PON3: variants seen among roughly 807,000 people sequenced by gnomAD.
PON3 encodes serum paraoxonase/lactonase 3.
PON3 carries 37 observed loss-of-function variants against 36.3 expected under a neutral mutation model. The observed-to-expected ratio is 1.02, with a 90% CI of 0.78 to 1.34. The LOEUF (loss-of-function observed/expected upper bound fraction) is 1.34, where lower values mean the gene tolerates loss of function less well. Ranked by LOEUF, PON3 falls within the 40% of genes most tolerant of loss-of-function variation. The pLI, the probability that PON3 is intolerant of heterozygous loss-of-function variation, is 0.00. For synonymous variants in PON3, 155 were observed against 154.8 expected (o/e 1.00, Z -0.01); for missense variants, 415 against 426.5 (o/e 0.97, Z 0.24).
chr7:95,362,407 A>C lies in PON3; in HGVS notation c.861T>G (p.Pro287=). The C allele has an allele frequency of 1.2e-6, 2 of 1,613,770 alleles. No individual in the cohort carries two copies. Among genetic ancestry groups the C allele is most frequent in the Non-Finnish European group, 1.7e-6 (2 of 1,179,758 alleles). The change falls in exon 8 of 9, where the codon CCT becomes CCG. Residue 287 remains proline (P), a synonymous_variant. Transcript: ENST00000265627. The part of the protein sequence containing the change: ...GDILAGCHPN[P]MKLLNYNPED... Reference sequence around the variant, plus strand: ...CAGGGTTATAGTTCAGTAGCTTCATAGGATTAGGATGGCATCCTGCCAAAA... The same window carrying C: ...CAGGGTTATAGTTCAGTAGCTTCATCGGATTAGGATGGCATCCTGCCAAAA...
rs377433561 is a variant in PON3 at position 95,363,732 on chromosome 7, C to T, written c.695+131G>A. 8.5e-4 allele frequency: 778 copies of T among 910,900 alleles called. 4 individuals carry two copies. In the South Asian group the frequency reaches 9.2e-3, roughly 11 times the overall value. 56.4% of individuals were successfully genotyped at this position (910,900 alleles called of 1,614,324 possible). On this transcript the variant is annotated intron_variant, in intron 6 of 8. Coordinates refer to ENST00000265627, the MANE Select transcript of PON3 (RefSeq NM_000940.3). ...TAGGATGACAGATTTAGTGTGAACC[C>T]TGGCCACAACTGATCCCTCCACACA...
chr7:95,362,636 G>T, intron 7 of PON3, 124 bp downstream of exon 7: 1 of 1,382,710 alleles, frequency 7.2e-7, no homozygotes, highest in Non-Finnish European at 1.0e-6. Flanking sequence ...AGAAACGCAT[G>T]CATAATCTCA....
chr7:95,393,921 G>A (rs1809374145), intron 2 of PON3, among the ~76,000 whole-genome samples: 1 of 152,102 alleles, frequency 6.6e-6, no homozygotes, highest in Non-Finnish European at 1.5e-5. Context: ...TTAAGACAAA[G>A]TCTCGCTCTG....
At chr7:95,377,547 T>A (rs1459710959) in intron 3 of PON3, 6 of 427,444 alleles carry the variant, frequency 1.4e-5, no homozygotes, top group African/African-American at 4.2e-5. Context: ...TACAGGCGGA[T>A]GCCCCTCTGG....
intron 1 of PON3, among the ~76,000 whole-genome samples, chr7:95,394,920 C>G (rs1312386944): frequency 6.6e-6 from 1 of 152,136 alleles, no homozygotes; most frequent in Non-Finnish European, 1.5e-5. Context: ...GCTAACCTTA[C>G]CCAGTTATTG....
Position 95,364,074 on chromosome 7 carries a change from A to C in PON3, c.495-11T>G, listed in dbSNP as rs1808638846. 1.9e-6 allele frequency: 3 copies of C among 1,609,858 alleles called. No individual in the cohort carries two copies. Among genetic ancestry groups the C allele is most frequent in the African/African-American group, 2.7e-5 (2 of 74,834 alleles). ...ACAATGTCATTCACACTAAAGTGAA[A>C]GGGAGGTGGAAAAAGAGACCCATGA... On this transcript the variant is annotated splice_polypyrimidine_tract_variant and intron_variant, in intron 5 of 8. Coordinates refer to ENST00000265627, the MANE Select transcript of PON3 (RefSeq NM_000940.3).
intron 3 of PON3, among the ~76,000 whole-genome samples, chr7:95,382,227 C>A (rs992308135): frequency 2.6e-5 from 4 of 152,306 alleles, no homozygotes; most frequent in South Asian, 2.1e-4. Flanking sequence ...ATTTATAGCA[C>A]TAAATGCCCA....
At chr7:95,364,866 C>T (rs1200225638) in intron 5 of PON3, 3 of 151,154 alleles carry the variant, frequency 2.0e-5, no homozygotes, top group South Asian at 4.2e-4. Flanking sequence ...CTTATTCTTA[C>T]AATCCGTAAG....
At chr7:95,395,971 G>T (rs1339240744) in intron 1 of PON3, 1 of 414,278 alleles carries the variant, frequency 2.4e-6, no homozygotes, top group Non-Finnish European at 4.5e-6. Flanking sequence ...TGTTGAGGGC[G>T]AGCTGGGAAA....
chr7:95,375,252 A>G (rs890784105), intron 3 of PON3, among the ~76,000 whole-genome samples: 4 of 151,230 alleles, frequency 2.6e-5, no homozygotes, highest in African/African-American at 7.3e-5. Flanking sequence ...ATGTATATGT[A>G]TACATATATA....
chr7:95,364,215 A>G (rs1808642126), intron 5 of PON3, 152 bp from the exon 6 acceptor site: 1 of 685,824 alleles, frequency 1.5e-6, no homozygotes. Flanking sequence ...TCCACAGAAA[A>G]TCATGATTCT....
intron 3 of PON3, among the ~76,000 whole-genome samples, chr7:95,388,777 AT>A (rs1809256516): frequency 6.6e-6 from 1 of 152,246 alleles, no homozygotes. Context: ...GGATGAGTTC[AT>A]GTCCTTTGCA....
intron 2 of PON3, 58 bp downstream of exon 2, chr7:95,394,586 C>A: frequency 1.4e-6 from 2 of 1,473,016 alleles, no homozygotes; most frequent in South Asian, 2.3e-5. Flanking sequence ...AGGGCTCAGT[C>A]AGGTGGATGA....
intron 3 of PON3, among the ~76,000 whole-genome samples, chr7:95,372,754 C>G (rs1455655298): frequency 6.6e-6 from 1 of 152,130 alleles, no homozygotes; most frequent in Admixed American, 6.5e-5. Context: ...TTCCTCAAAG[C>G]AGAGAGAAGG....
intron 3 of PON3, among the ~76,000 whole-genome samples, chr7:95,380,476 A>G (rs1465278067): frequency 1.3e-5 from 2 of 152,212 alleles, no homozygotes; most frequent in African/African-American, 4.8e-5. Context: ...TGAATGGCTA[A>G]CTAGAGTAAC....
At chr7:95,362,212 CCCTA>C in intron 8 of PON3, 146 bp downstream of exon 8, 2 of 943,700 alleles carry the variant, frequency 2.1e-6, no homozygotes, top group Non-Finnish European at 1.6e-6. Flanking sequence ...AACCTTATCT[CCCTA>C]CCTGTCAAAA....
At chr7:95,388,033 G>A (rs1209814771) in intron 3 of PON3, among the ~76,000 whole-genome samples, 1 of 151,944 alleles carries the variant, frequency 6.6e-6, no homozygotes, top group African/African-American at 2.4e-5. Context: ...AAAAACCCTA[G>A]AAGAAAACCT....
chr7:95,391,184 T>C (rs1809309672), intron 2 of PON3, among the ~76,000 whole-genome samples: 1 of 152,218 alleles, frequency 6.6e-6, no homozygotes, highest in African/African-American at 2.4e-5. Flanking sequence ...TTATCGTCAC[T>C]TCACATCTTG....
At chr7:95,393,241 A>T (rs144501478) in intron 2 of PON3, among the ~76,000 whole-genome samples, 39 of 152,348 alleles carry the variant, frequency 2.6e-4, no homozygotes, top group Admixed American at 1.4e-3. Context: ...AATAAGTCAC[A>T]GTTCTTGGCC....
Sources: allele counts gnomAD v4.1 joint callset (sites outside exome capture counted in the v4.1 genomes callset), GRCh38; gene constraint gnomAD v4.1.1; transcripts MANE v1.5; gene names NCBI Gene and HGNC (gene_info 2026-07-23, HGNC 2026-07-21).